Variants in NRAP observed in about 807,000 individuals in gnomAD.
The protein encoded by NRAP is nebulin-related-anchoring protein.
Under a neutral mutation model 225.9 loss-of-function variants are expected in NRAP, and 189 were observed. The observed-to-expected ratio is 0.84, with a 90% confidence interval of 0.74 to 0.94. NRAP has a LOEUF of 0.94. Ranked by LOEUF, NRAP falls within the 40% of genes least tolerant of loss-of-function variation. NRAP has a pLI of 0.00. For missense variants in NRAP, 2,176 were observed against 2,168.7 expected (o/e 1.00, Z -0.07); for synonymous variants, 769 against 790.7 (o/e 0.97, Z 0.46).
chr10:113,652,263 A>T (rs1037017740), intron 6 of NRAP, among the ~76,000 whole-genome samples: 8 of 152,204 alleles, frequency 5.3e-5, no homozygotes, highest in African/African-American at 1.9e-4. Flanking sequence ...GTCAGGATTC[A>T]AATTTCAACA....
At chr10:113,589,906 T>C in intron 40 of NRAP, 109 bp from the exon 41 acceptor site, 3 of 1,263,324 alleles carry the variant, frequency 2.4e-6, no homozygotes, top group South Asian at 3.0e-5. Flanking sequence ...CTATGTTGTC[T>C]GTCATCAGTA....
At chr10:113,607,413 A>G (rs1309481987) in intron 32 of NRAP, among the ~76,000 whole-genome samples, 4 of 52,618 alleles carry the variant, frequency 7.6e-5, no homozygotes, top group African/African-American at 2.8e-4. Context: ...AAAAAAAAAA[A>G]AAAAAAAAAA....
chr10:113,609,749 C>T (rs536266157), intron 31 of NRAP, among the ~76,000 whole-genome samples: 2 of 152,012 alleles, frequency 1.3e-5, no homozygotes, highest in South Asian at 4.2e-4. Flanking sequence ...GGCTTGAGGT[C>T]ACACAGCAAA....
At position 113,589,074 on chromosome 10, in the gene NRAP, C is replaced by T; in HGVS notation, c.5094G>A (p.Gly1698=). ...RGLGLQGAYR[G]AEAVEAGDHQ... ...GATCTCCAGCCTCCACTGCTTCTGCCCCCCGCTGCTGAAATCAAACATACC... is the reference window on the plus strand; with the variant it reads ...GATCTCCAGCCTCCACTGCTTCTGCTCCCCGCTGCTGAAATCAAACATACC... The change falls in exon 42 of 42, where the codon GGG becomes GGA. Residue 1698 remains glycine (G), a synonymous_variant. Coordinates refer to ENST00000359988, the MANE Select transcript of NRAP (RefSeq NM_198060.4). The T allele has an allele frequency of 2.5e-6, 4 of 1,613,562 alleles. No individual in the cohort carries two copies. Among genetic ancestry groups the T allele is most frequent in the African/African-American group, 1.3e-5 (1 of 74,970 alleles).
intron 15 of NRAP, among the ~76,000 whole-genome samples, 166 bp downstream of exon 15, chr10:113,633,946 A>T (rs1848712993): frequency 6.6e-6 from 1 of 152,182 alleles, no homozygotes; most frequent in Admixed American, 6.5e-5. Flanking sequence ...TGTATTCAAA[A>T]TTTTCCATAA....
At position 113,614,295 on chromosome 10, in the gene NRAP, T is replaced by C; in HGVS notation, c.3188A>G (p.Tyr1063Cys). ...AKASGEIISD[Y>C]KYKEAFEKMK... ...TTTCTCAAATGCCTCTTTGTATTTG[T>C]ACTAAAGGGAAAGAGAGCGGGAGAG... is the stretch of plus-strand genomic sequence containing the variant. The change falls in exon 29 of 42, where the codon TAC becomes TGC. Residue 1063 changes from tyrosine (Y) to cysteine (C), a missense_variant and splice_region_variant. Coordinates refer to ENST00000359988, the MANE Select transcript of NRAP (RefSeq NM_198060.4). 6.2e-7 allele frequency: 1 copy of C among 1,600,542 alleles called. No individual in the cohort carries two copies. Among genetic ancestry groups the C allele is most frequent in the Non-Finnish European group, 8.6e-7 (1 of 1,167,576 alleles).
chr10:113,633,011 G>A (rs1848657756), intron 16 of NRAP, 73 bp downstream of exon 16: 1 of 829,096 alleles, frequency 1.2e-6, no homozygotes, highest in African/African-American at 1.7e-5. Context: ...CCCACTTGCT[G>A]GACCATCCTG....
chr10:113,623,828 T>C (rs866399410), intron 22 of NRAP, among the ~76,000 whole-genome samples, 192 bp from the exon 23 acceptor site: 3 of 152,114 alleles, frequency 2.0e-5, no homozygotes, highest in Non-Finnish European at 4.4e-5. Context: ...TTTTAACACA[T>C]AGGGCTTCAA....
intron 38 of NRAP, among the ~76,000 whole-genome samples, chr10:113,594,984 AG>A (rs1189070267): frequency 6.6e-6 from 1 of 152,220 alleles, no homozygotes; most frequent in Non-Finnish European, 1.5e-5. Context: ...CTGTTATCCA[AG>A]GATCACAGCT....
At chr10:113,633,250 C>A (rs1848674788) in intron 15 of NRAP, 62 bp from the exon 16 acceptor site, 2 of 941,916 alleles carry the variant, frequency 2.1e-6, no homozygotes, top group South Asian at 1.3e-5. Flanking sequence ...CTTTAGGGAC[C>A]CATAGCTCTT....
intron 19 of NRAP, 116 bp downstream of exon 19, chr10:113,629,472 A>C (rs918738293): frequency 2.8e-6 from 2 of 721,190 alleles, no homozygotes; most frequent in Non-Finnish European, 4.7e-6. Context: ...CATTTCCTGC[A>C]GTTCTTCCTA....
rs1431208178 is a variant in NRAP, at chr10:113,606,336, C to A, written c.3703-54G>T. ...TGCAAGAGATAAGTGCTGTGCATTTCTGCAGTGCTGGAAGTCCCTCAACGA... is the reference window on the plus strand; with the variant it reads ...TGCAAGAGATAAGTGCTGTGCATTTATGCAGTGCTGGAAGTCCCTCAACGA... On this transcript the variant is annotated intron_variant, in intron 32 of 41. Coordinates refer to ENST00000359988, the MANE Select transcript of NRAP (RefSeq NM_198060.4). 6 of 1,141,836 alleles carry A rather than the reference C, an allele frequency of 5.3e-6. No individual in the cohort carries two copies. The East Asian group carries it at 7.2e-5, about 14-fold the overall frequency. The allele number at this position is 1,141,836 out of a possible 1,614,324, so 70.7% of individuals were successfully genotyped here.
In NRAP at chr10:113,597,145, T is replaced by A; in HGVS notation, c.4372A>T (p.Thr1458Ser). ...ACCAGGTCTGGGGAGTCAACCACTG[T>A]GGTGAACTTGATACTGTCTGGTTTT... Reference protein sequence around the residue: ...RKKPDSIKFTTVVDSPDLVHA... With the variant: ...RKKPDSIKFTSVVDSPDLVHA... Residue 1458 changes from threonine to serine, a missense_variant, in exon 37 of 42, where the codon ACA (threonine) becomes TCA (serine). Thr to Ser is a moderately conservative substitution (Grantham distance 58). Transcript: ENST00000359988. 1 of 1,613,676 alleles carries A rather than the reference T, an allele frequency of 6.2e-7. No homozygotes were observed. Among genetic ancestry groups the A allele is most frequent in the Non-Finnish European group, 8.5e-7 (1 of 1,179,550 alleles).
chr10:113,654,602 A>G (rs1000286707), intron 4 of NRAP, among the ~76,000 whole-genome samples: 1 of 152,096 alleles, frequency 6.6e-6, no homozygotes, highest in African/African-American at 2.4e-5. Flanking sequence ...AATAAATAGC[A>G]ATTAGAAAAC....
At chr10:113,656,024 A>T (rs1299202169) in intron 4 of NRAP, among the ~76,000 whole-genome samples, 1 of 152,154 alleles carries the variant, frequency 6.6e-6, no homozygotes. Context: ...GCCATGATGG[A>T]AAGGGGGAGG....
chr10:113,612,943 G>A (rs976195556), intron 29 of NRAP, among the ~76,000 whole-genome samples: 2 of 152,126 alleles, frequency 1.3e-5, no homozygotes, highest in Non-Finnish European at 2.9e-5. Flanking sequence ...CAAGCCTCAG[G>A]GATAGGCATT....
chr10:113,637,790 C>T (rs1253333882), intron 14 of NRAP, among the ~76,000 whole-genome samples: 9 of 152,188 alleles, frequency 5.9e-5, no homozygotes, highest in East Asian at 3.9e-4. Flanking sequence ...AGCGTGGTGG[C>T]GCATGCCTGT....
At chr10:113,640,128 G>C (rs1349105270) in intron 14 of NRAP, 99 bp downstream of exon 14, 1 of 704,788 alleles carries the variant, frequency 1.4e-6, no homozygotes, top group Non-Finnish European at 2.5e-6. Flanking sequence ...CTTATGAACT[G>C]TTGTATCATG....
intron 14 of NRAP, among the ~76,000 whole-genome samples, chr10:113,638,794 G>A (rs142020609): frequency 2.0e-4 from 30 of 152,292 alleles, no homozygotes; most frequent in African/African-American, 4.1e-4. Context: ...AAGCACTTCC[G>A]TAGTGCAAAT....
Sources: gnomAD v4.1 joint callset for allele counts (sites outside exome capture counted in the v4.1 genomes callset) on GRCh38, gnomAD v4.1.1 for gene constraint, MANE v1.5 for transcripts, NCBI Gene and HGNC (gene_info 2026-07-23, HGNC 2026-07-21) for gene names.